PTPN3: variants seen among roughly 807,000 people sequenced by gnomAD.
The protein encoded by PTPN3 is tyrosine-protein phosphatase non-receptor type 3.
PTPN3 carries 96 observed loss-of-function variants against 132.7 expected under a neutral mutation model. The ratio of observed to expected loss-of-function variants is 0.72; its 90% CI spans 0.61 to 0.86. The LOEUF (loss-of-function observed/expected upper bound fraction) is 0.86. Among genes scored for constraint, PTPN3 ranks in the 40% least tolerant of loss-of-function variants. The pLI is 0.00. For missense variants in PTPN3, 1,125 were observed against 1,159.6 expected (o/e 0.97, Z 0.43); for synonymous variants, 398 against 429.0 (o/e 0.93, Z 0.89).
chr9:109,453,616 T>G (rs1342935535), intron 5 of PTPN3, among the ~76,000 whole-genome samples: 3 of 152,184 alleles, frequency 2.0e-5, no homozygotes, highest in Non-Finnish European at 4.4e-5. Flanking sequence ...TTCCCTTATC[T>G]GGTTCACATA....
At chr9:109,534,200 A>T in the PTPN3 span, 4 of 1,160,716 alleles carry the variant, frequency 3.4e-6, no homozygotes, top group Non-Finnish European at 5.1e-6. Flanking sequence ...GGTGCTGCTG[A>T]TGTGAAGCCT....
At chr9:109,435,741 C>T (rs1440868582) in intron 9 of PTPN3, among the ~76,000 whole-genome samples, 2 of 152,228 alleles carry the variant, frequency 1.3e-5, no homozygotes, top group African/African-American at 2.4e-5. Context: ...ATATAAAGCC[C>T]TACTTCACCG....
At chr9:109,476,198 C>T (rs933880639) in intron 1 of PTPN3, among the ~76,000 whole-genome samples, 2 of 152,094 alleles carry the variant, frequency 1.3e-5, no homozygotes, top group Non-Finnish European at 2.9e-5. Context: ...TATTTTTATG[C>T]AGCCTATTCA....
intron 7 of PTPN3, among the ~76,000 whole-genome samples, chr9:109,442,385 T>C (rs1844548868): frequency 6.6e-6 from 1 of 152,164 alleles, no homozygotes; most frequent in South Asian, 2.1e-4. Flanking sequence ...CTCTGCAATA[T>C]ATATATTTAT....
intron 6 of PTPN3, among the ~76,000 whole-genome samples, chr9:109,448,018 TAGCAATCTATAA>T (rs1844975883): frequency 6.6e-6 from 1 of 152,222 alleles, no homozygotes; most frequent in African/African-American, 2.4e-5. Context: ...TGGCTCATCC[TAGCAATCTATAA>T]AGACTTTTCT....
intron 1 of PTPN3, among the ~76,000 whole-genome samples, chr9:109,466,585 A>T (rs1846111580): frequency 6.6e-6 from 1 of 152,224 alleles, no homozygotes; most frequent in African/African-American, 2.4e-5. Context: ...GTGCTTGGGG[A>T]TCTTGTTAAA....
intron 20 of PTPN3, 124 bp downstream of exon 20, chr9:109,391,347 C>T: frequency 1.6e-6 from 2 of 1,282,382 alleles, no homozygotes; most frequent in Non-Finnish European, 2.2e-6. Context: ...GAAATGGCTG[C>T]AATAAAGACG....
In PTPN3 at chr9:109,391,467, T is replaced by G. The variant is rs775346971; in HGVS notation, c.2044+4A>C. ...GGAAGGAGGCATTCATGCCGGATAC[T>G]CACAAGGCAGCACATCTTTATATCG... On this transcript the variant is annotated splice_donor_region_variant and intron_variant, in intron 20 of 25. Coordinates refer to ENST00000374541, the MANE Select transcript of PTPN3 (RefSeq NM_002829.4). 2 of 1,608,734 alleles carry G rather than the reference T, an allele frequency of 1.2e-6. No homozygotes were observed. Among genetic ancestry groups the G allele is most frequent in the East Asian group, 2.2e-5 (1 of 44,840 alleles).
intron 5 of PTPN3, among the ~76,000 whole-genome samples, chr9:109,452,035 C>T (rs913929353): frequency 6.6e-6 from 1 of 152,080 alleles, no homozygotes; most frequent in Non-Finnish European, 1.5e-5. Flanking sequence ...TTTGGGAGGC[C>T]GAGGCGGGCA....
chr9:109,527,817 G>A, the PTPN3 span, among the ~76,000 whole-genome samples: 1 of 152,190 alleles, frequency 6.6e-6, no homozygotes. Context: ...TTAACAGAGT[G>A]AAAAGCCAAG....
chr9:109,463,534 C>T, intron 1 of PTPN3, 83 bp from the exon 2 acceptor site: 1 of 1,285,140 alleles, frequency 7.8e-7, no homozygotes, highest in Non-Finnish European at 1.1e-6. Flanking sequence ...CAGATCCCAT[C>T]CTCTCGATAC....
intron 14 of PTPN3, among the ~76,000 whole-genome samples, chr9:109,418,493 G>C (rs576050972): frequency 6.6e-6 from 1 of 152,346 alleles, no homozygotes; most frequent in African/African-American, 2.4e-5. Flanking sequence ...CTGCAAGCAA[G>C]GTGATGATTC....
intron 19 of PTPN3, among the ~76,000 whole-genome samples, chr9:109,401,965 T>C (rs546388720): frequency 1.3e-5 from 2 of 152,300 alleles, no homozygotes; most frequent in South Asian, 4.2e-4. Flanking sequence ...TTCAGCTGTT[T>C]CTGGGACACA....
intron 1 of PTPN3, among the ~76,000 whole-genome samples, chr9:109,486,739 G>T (rs888599903): frequency 1.3e-5 from 2 of 152,180 alleles, no homozygotes; most frequent in Admixed American, 1.3e-4. Context: ...TCACTGAGTT[G>T]TAGTTCCCAT....
At chr9:109,500,785 G>C (rs1291232029), upstream of PTPN3, among the ~76,000 whole-genome samples, 1 of 151,776 alleles carries the variant, frequency 6.6e-6, no homozygotes, top group Non-Finnish European at 1.5e-5. Flanking sequence ...AACTTATCCA[G>C]GTGTGGTGGC....
intron 2 of PTPN3, 32 bp from the exon 3 acceptor site, chr9:109,457,431 G>C: frequency 6.4e-7 from 1 of 1,556,034 alleles, no homozygotes; most frequent in Non-Finnish European, 8.8e-7. Context: ...AGTGGGAAAA[G>C]TCTTAAATTA....
the PTPN3 span, among the ~76,000 whole-genome samples, chr9:109,521,602 C>T: frequency 4.8e-4 from 73 of 152,336 alleles, no homozygotes; most frequent in African/African-American, 1.7e-3. Context: ...GGGAAGCCTT[C>T]TCTGATTCCC....
chr9:109,485,863 C>T (rs1463223097), intron 1 of PTPN3, among the ~76,000 whole-genome samples: 1 of 152,236 alleles, frequency 6.6e-6, no homozygotes, highest in Non-Finnish European at 1.5e-5. Flanking sequence ...TTCACCTGGA[C>T]CTATTTAGTA....
chr9:109,387,093 G>A (rs1481481730), intron 22 of PTPN3, among the ~76,000 whole-genome samples: 1 of 152,212 alleles, frequency 6.6e-6, no homozygotes, highest in African/African-American at 2.4e-5. Flanking sequence ...TGGCCAGACT[G>A]GTGAGCTCAG....
Sources: allele counts gnomAD v4.1 joint callset (sites outside exome capture counted in the v4.1 genomes callset), GRCh38; gene constraint gnomAD v4.1.1; transcripts MANE v1.5; gene names NCBI Gene and HGNC (gene_info 2026-07-23, HGNC 2026-07-21).